Variants in CADM2 observed in about 807,000 individuals in gnomAD.
CADM2 encodes immunoglobulin superfamily member 4D.
CADM2 carries 12 observed loss-of-function variants against 49.8 expected under a neutral mutation model. The observed-to-expected ratio is 0.24, with a 90% CI of 0.15 to 0.39. The LOEUF (loss-of-function observed/expected upper bound fraction) is 0.39. Ranked by LOEUF, CADM2 falls within the 10% of genes least tolerant of loss-of-function variation. CADM2 has a pLI of 1.00. For missense variants in CADM2, 378 were observed against 492.3 expected, an observed-to-expected ratio of 0.77 and a Z score of 2.20; for synonymous variants, 214 against 175.4, an observed-to-expected ratio of 1.22 and a Z score of -1.74.
At chr3:85,805,940 G>T (rs1359138520) in intron 3 of CADM2, among the ~76,000 whole-genome samples, 1 of 152,174 alleles carries the variant, frequency 6.6e-6, no homozygotes, top group African/African-American at 2.4e-5. Context: ...GCTTCCAGTG[G>T]TTCTTAGCCG....
Position 86,070,412 on chromosome 3 carries a change from AG to A in CADM2, c.*3633del, listed in dbSNP as rs1379737305. 6.6e-6 allele frequency: 1 copy of A among 151,954 alleles called. No individual in the cohort carries two copies. The highest frequency in any genetic ancestry group is 2.4e-5 in the African/African-American group (1 of 41,426). The allele number at this position is 151,954 out of a possible 1,614,324, so 9.4% of individuals were successfully genotyped here. Reference sequence around the variant, plus strand: ...TGCCACTTATTGCAAAGTGTTACCAAGGGGAACATTTCAAATGCCTTTTGTT... The same window carrying A: ...TGCCACTTATTGCAAAGTGTTACCAAGGGAACATTTCAAATGCCTTTTGTT... On this transcript the variant is annotated 3_prime_UTR_variant, in exon 10 of 10. Coordinates refer to ENST00000383699, the MANE Select transcript of CADM2 (RefSeq NM_001167675.2).
chr3:85,681,637 C>A (rs917593522), intron 1 of CADM2, among the ~76,000 whole-genome samples: 1 of 152,038 alleles, frequency 6.6e-6, no homozygotes. Flanking sequence ...CTTCATCTGG[C>A]AGGCTATGAA....
intron 1 of CADM2, among the ~76,000 whole-genome samples, chr3:85,036,652 A>G (rs1240044071): frequency 6.6e-6 from 1 of 152,148 alleles, no homozygotes; most frequent in African/African-American, 2.4e-5. Flanking sequence ...AAGTAACTCT[A>G]TTATATCCCG....
intron 8 of CADM2, among the ~76,000 whole-genome samples, chr3:86,004,515 A>G (rs1264548834): frequency 6.6e-6 from 1 of 152,212 alleles, no homozygotes; most frequent in Non-Finnish European, 1.5e-5. Flanking sequence ...TCCTGTGTGC[A>G]CAGAACATAG....
At chr3:85,102,344 T>C (rs1043278591) in intron 1 of CADM2, among the ~76,000 whole-genome samples, 3 of 152,162 alleles carry the variant, frequency 2.0e-5, no homozygotes, top group East Asian at 3.9e-4. Context: ...ACAAAAATAA[T>C]TGATGAAGCA....
intron 1 of CADM2, among the ~76,000 whole-genome samples, chr3:85,537,223 AT>A (rs2061439923): frequency 6.6e-6 from 1 of 152,104 alleles, no homozygotes; most frequent in Non-Finnish European, 1.5e-5. Context: ...CTATTCTAAC[AT>A]ATTGGAATGT....
chr3:85,691,833 G>A (rs1002722335), intron 1 of CADM2, among the ~76,000 whole-genome samples: 1 of 152,132 alleles, frequency 6.6e-6, no homozygotes, highest in Admixed American at 6.5e-5. Flanking sequence ...TAGGGACATG[G>A]ATGAAGCTGG....
At chr3:85,041,934 T>C (rs2035459748) in intron 1 of CADM2, among the ~76,000 whole-genome samples, 1 of 152,292 alleles carries the variant, frequency 6.6e-6, no homozygotes, top group South Asian at 2.1e-4. Context: ...TTTTCTGCTA[T>C]TTGCTGTAAT....
chr3:85,838,202 A>G (rs1353769971), intron 3 of CADM2, among the ~76,000 whole-genome samples: 1 of 151,870 alleles, frequency 6.6e-6, no homozygotes, highest in Non-Finnish European at 1.5e-5. Flanking sequence ...AATCTATGTG[A>G]ATTTAAACAA....
At chr3:85,891,599 T>C (rs1714443930) in intron 5 of CADM2, among the ~76,000 whole-genome samples, 1 of 152,180 alleles carries the variant, frequency 6.6e-6, no homozygotes, top group Admixed American at 6.5e-5. Context: ...AGACGAGGTC[T>C]TTAAGAAGGG....
intron 1 of CADM2, among the ~76,000 whole-genome samples, chr3:85,716,957 T>C (rs570596901): frequency 2.0e-5 from 3 of 152,298 alleles, no homozygotes; most frequent in South Asian, 4.1e-4. Context: ...TCTTTTTGAT[T>C]AGGATTGTCT....
intron 1 of CADM2, among the ~76,000 whole-genome samples, chr3:85,530,913 C>CAAAA (rs796692393): frequency 8.2e-6 from 1 of 122,626 alleles, no homozygotes; most frequent in African/African-American, 4.0e-5. Context: ...CACACACACA[C>CAAAA]AAAATTCATT....
chr3:85,745,186 A>G (rs565173674), intron 2 of CADM2, among the ~76,000 whole-genome samples: 1 of 152,256 alleles, frequency 6.6e-6, no homozygotes, highest in East Asian at 1.9e-4. Flanking sequence ...TTTTGATGTT[A>G]TTACTGGATT....
chr3:85,339,493 C>A (rs1229091146), intron 1 of CADM2, among the ~76,000 whole-genome samples: 1 of 151,406 alleles, frequency 6.6e-6, no homozygotes, highest in Non-Finnish European at 1.5e-5. Flanking sequence ...TTTATGTGAA[C>A]AATTAGATCA....
At chr3:85,972,243 C>T (rs778838509) in intron 8 of CADM2, among the ~76,000 whole-genome samples, 5 of 151,654 alleles carry the variant, frequency 3.3e-5, no homozygotes, top group Non-Finnish European at 7.4e-5. Context: ...AAACTTTCCT[C>T]TTACAATTGT....
intron 1 of CADM2, among the ~76,000 whole-genome samples, chr3:84,965,326 C>T (rs1179082365): frequency 6.6e-6 from 1 of 152,116 alleles, no homozygotes; most frequent in African/African-American, 2.4e-5. Flanking sequence ...CATCTCAGGC[C>T]TAATGTGCTC....
chr3:85,447,767 A>G (rs2037538088), intron 1 of CADM2, among the ~76,000 whole-genome samples: 1 of 152,162 alleles, frequency 6.6e-6, no homozygotes, highest in Non-Finnish European at 1.5e-5. Context: ...AGGGTTTTAT[A>G]TATTTGTGTT....
chr3:85,790,366 A>G (rs994813620), intron 2 of CADM2, among the ~76,000 whole-genome samples: 1 of 152,134 alleles, frequency 6.6e-6, no homozygotes, highest in South Asian at 2.1e-4. Context: ...TGGGTCACCT[A>G]CTCACAGGTA....
At chr3:85,705,999 A>C (rs149993480) in intron 1 of CADM2, among the ~76,000 whole-genome samples, 83 of 152,318 alleles carry the variant, frequency 5.4e-4, no homozygotes, top group Admixed American at 4.5e-3. Flanking sequence ...CCTCAGATTT[A>C]TCTCTTAAAA....
Sources: gnomAD v4.1 joint callset for allele counts (sites outside exome capture counted in the v4.1 genomes callset) on GRCh38, gnomAD v4.1.1 for gene constraint, MANE v1.5 for transcripts, NCBI Gene and HGNC (gene_info 2026-07-23, HGNC 2026-07-21) for gene names.